The following ELL2 variants were observed in gnomAD, a reference collection of about 807,000 sequenced individuals.
The protein encoded by ELL2 is elongation factor for RNA polymerase II 2.
In ELL2, 21 loss-of-function variants were observed where a neutral mutation model predicts 72.8. The observed-to-expected ratio is 0.29, with a 90% CI of 0.20 to 0.42. The LOEUF (loss-of-function observed/expected upper bound fraction) is 0.42, where lower values mean the gene tolerates loss of function less well. Among genes scored for constraint, ELL2 ranks in the 10% least tolerant of loss-of-function variants. The pLI is 1.00. For missense variants in ELL2, 568 were observed against 772.8 expected, an observed-to-expected ratio of 0.73 and a Z score of 3.14; for synonymous variants, 266 against 283.2, an observed-to-expected ratio of 0.94 and a Z score of 0.61.
At chr5:95,942,766 T>G (rs1283930702) in intron 2 of ELL2, among the ~76,000 whole-genome samples, 1 of 152,214 alleles carries the variant, frequency 6.6e-6, no homozygotes, top group Non-Finnish European at 1.5e-5. Context: ...CAATTATCCA[T>G]GTTATGGATA....
At chr5:95,949,346 C>T (rs1046059267) in intron 1 of ELL2, among the ~76,000 whole-genome samples, 4 of 151,920 alleles carry the variant, frequency 2.6e-5, no homozygotes, top group African/African-American at 9.7e-5. Flanking sequence ...TATTGCTTAC[C>T]CATGTAAACA....
At chr5:95,933,587 G>T (rs964804980) in intron 2 of ELL2, among the ~76,000 whole-genome samples, 1 of 151,384 alleles carries the variant, frequency 6.6e-6, no homozygotes, top group East Asian at 1.9e-4. Flanking sequence ...GAAAGAAATT[G>T]AATAAAACTG....
Position 95,887,475 on chromosome 5 carries a change from T to C in ELL2, c.*1396A>G, listed in dbSNP as rs190091171. On this transcript the variant is annotated 3_prime_UTR_variant, in exon 12 of 12. Transcript: ENST00000237853. ...ACATTTCAAAACAGATTTGTAAACATAATGCTTCCCTTTTCAACTGGCAGC... is the reference window on the plus strand; with the variant it reads ...ACATTTCAAAACAGATTTGTAAACACAATGCTTCCCTTTTCAACTGGCAGC... 934 of 152,758 alleles carry C rather than the reference T, an allele frequency of 6.1e-3. No homozygotes were observed. The highest frequency in any genetic ancestry group is 0.01 in the Non-Finnish European group (705 of 68,022). 9.5% of individuals were successfully genotyped at this position (152,758 alleles called of 1,614,324 possible). A position where few individuals can be genotyped will look rare whatever the true frequency, so the allele number is the denominator to read the frequency against.
At position 95,961,811 on chromosome 5, in the gene ELL2, A is replaced by G. The variant is rs1751882787; in HGVS notation, c.-90T>C. On this transcript the variant is annotated 5_prime_UTR_variant, in exon 1 of 12. Transcript: ENST00000237853. Reference sequence around the variant, plus strand: ...TGCTTGGGCTTCTGCAGCCGCCGCCACTGCTAGGGCCATCCCGCTGCTGAC... The same window carrying G: ...TGCTTGGGCTTCTGCAGCCGCCGCCGCTGCTAGGGCCATCCCGCTGCTGAC... 3 of 1,449,170 alleles carry G rather than the reference A, an allele frequency of 2.1e-6. No individual in the cohort carries two copies. The highest frequency in any genetic ancestry group is 5.3e-5 in the East Asian group (2 of 37,980). The allele number at this position is 1,449,170 out of a possible 1,614,324, so 89.8% of individuals were successfully genotyped here. A position where few individuals can be genotyped will look rare whatever the true frequency, so the allele number is the denominator to read the frequency against.
At chr5:95,949,874 A>G (rs1159939702) in intron 1 of ELL2, among the ~76,000 whole-genome samples, 2 of 152,150 alleles carry the variant, frequency 1.3e-5, no homozygotes, top group Non-Finnish European at 2.9e-5. Flanking sequence ...GGCACTATCC[A>G]TTTTTACTAC....
chr5:95,899,390 G>C (rs1326668290), intron 7 of ELL2, among the ~76,000 whole-genome samples: 1 of 152,046 alleles, frequency 6.6e-6, no homozygotes, highest in Admixed American at 6.5e-5. Flanking sequence ...CTTAGAGTGG[G>C]AACAGCCAGC....
chr5:95,961,563 C>A lies in ELL2; in HGVS notation c.147+12G>T, dbSNP rs754587895. 7 of 1,572,720 alleles carry A rather than the reference C, an allele frequency of 4.5e-6. No individual in the cohort carries two copies. The highest frequency in any genetic ancestry group is 6.0e-6 in the Non-Finnish European group (7 of 1,161,830). ...GCCTCTCTGAGCCCAGCCTGCCGGC[C>A]GGCCCGCTCACCTTGTGGCTCTGGT... On this transcript the variant is annotated intron_variant, in intron 1 of 11. Coordinates refer to ENST00000237853, the MANE Select transcript of ELL2 (RefSeq NM_012081.6).
At chr5:95,928,036 C>A (rs1750459770) in intron 2 of ELL2, among the ~76,000 whole-genome samples, 1 of 151,502 alleles carries the variant, frequency 6.6e-6, no homozygotes, top group African/African-American at 2.4e-5. Context: ...TAGAAGAACA[C>A]AGGTGTCTGA....
At chr5:95,904,630 C>T (rs1749286158) in intron 5 of ELL2, among the ~76,000 whole-genome samples, 1 of 152,340 alleles carries the variant, frequency 6.6e-6, no homozygotes, top group Non-Finnish European at 1.5e-5. Flanking sequence ...TCTACTGGCA[C>T]AGGCAAAGCC....
At chr5:95,918,877 C>T (rs1461430652) in intron 3 of ELL2, among the ~76,000 whole-genome samples, 3 of 142,720 alleles carry the variant, frequency 2.1e-5, no homozygotes, top group South Asian at 2.2e-4. Flanking sequence ...CTTCCTCCTC[C>T]TTTTTTTTTT....
At chr5:95,902,377 A>G (rs1442062056) in intron 5 of ELL2, among the ~76,000 whole-genome samples, 2 of 152,364 alleles carry the variant, frequency 1.3e-5, no homozygotes, top group East Asian at 3.9e-4. Context: ...GTTATTAGTC[A>G]GCCAGTTTAT....
intron 2 of ELL2, among the ~76,000 whole-genome samples, chr5:95,933,409 C>T (rs1430954144): frequency 6.6e-6 from 1 of 152,080 alleles, no homozygotes; most frequent in African/African-American, 2.4e-5. Flanking sequence ...AATGATAGTG[C>T]ATCCATAAAA....
At chr5:95,915,315 A>C (rs1250537719) in intron 3 of ELL2, among the ~76,000 whole-genome samples, 2 of 152,158 alleles carry the variant, frequency 1.3e-5, no homozygotes, top group African/African-American at 4.8e-5. Context: ...GTTGGCCAGG[A>C]TGGTCTTGAT....
At chr5:95,957,926 C>T (rs1444594159) in intron 1 of ELL2, among the ~76,000 whole-genome samples, 1 of 152,162 alleles carries the variant, frequency 6.6e-6, no homozygotes, top group Admixed American at 6.5e-5. Flanking sequence ...TGAAGCCTTA[C>T]GTCAAAGTGG....
chr5:95,919,333 G>A lies in ELL2; in HGVS notation c.317+91C>T, dbSNP rs1268932617. ...GTAATTCAATTTAATACACGTTTAT[G>A]GATGAATATTATGTATTGTATTGTT... On this transcript the variant is annotated intron_variant, in intron 3 of 11. Transcript: ENST00000237853. 14 of 1,413,190 alleles carry A rather than the reference G, an allele frequency of 9.9e-6. No individual in the cohort carries two copies. In the Admixed American group the frequency reaches 3.3e-4, roughly 33 times the overall value. The allele number at this position is 1,413,190 out of a possible 1,614,324, so 87.5% of individuals were successfully genotyped here.
chr5:95,928,499 T>C (rs183801396), intron 2 of ELL2, among the ~76,000 whole-genome samples: 2 of 152,324 alleles, frequency 1.3e-5, no homozygotes, highest in East Asian at 1.9e-4. Context: ...GCCCAGTTAA[T>C]AAGCCATCAT....
intron 8 of ELL2, among the ~76,000 whole-genome samples, chr5:95,897,915 A>G (rs1748935373): frequency 6.6e-6 from 1 of 152,186 alleles, no homozygotes; most frequent in Admixed American, 6.5e-5. Context: ...AATGGCATAT[A>G]ATAGGTCATG....
intron 1 of ELL2, among the ~76,000 whole-genome samples, chr5:95,949,351 T>A (rs1019257564): frequency 1.3e-5 from 2 of 152,200 alleles, no homozygotes; most frequent in African/African-American, 2.4e-5. Context: ...CTTACCCATG[T>A]AAACAAATTA....
chr5:95,960,471 G>A (rs1326241875), intron 1 of ELL2, among the ~76,000 whole-genome samples: 1 of 151,882 alleles, frequency 6.6e-6, no homozygotes, highest in African/African-American at 2.4e-5. Context: ...TCCAATTACA[G>A]TGTATGTGCG....
Sources: allele counts gnomAD v4.1 joint callset (sites outside exome capture counted in the v4.1 genomes callset), GRCh38; gene constraint gnomAD v4.1.1; transcripts MANE v1.5; gene names NCBI Gene and HGNC (gene_info 2026-07-23, HGNC 2026-07-21).